MYSM1: variants seen among roughly 807,000 people sequenced by gnomAD.
MYSM1 encodes the protein Myb like, SWIRM and MPN domains 1.
MYSM1 carries 51 observed loss-of-function variants against 116.0 expected under a neutral mutation model. The ratio of observed to expected loss-of-function variants is 0.44; its 90% CI spans 0.35 to 0.56. The LOEUF (loss-of-function observed/expected upper bound fraction) is 0.56. MYSM1 is among the 20% of genes least tolerant of loss of function. MYSM1 has a pLI of 0.00. For missense variants in MYSM1, 900 were observed against 974.9 expected (o/e 0.92, Z 1.02); for synonymous variants, 313 against 315.2 (o/e 0.99, Z 0.07).
At chr1:58,697,736 G>T (rs6656370) in intron 1 of MYSM1, among the ~76,000 whole-genome samples, 3 of 151,096 alleles carry the variant, frequency 2.0e-5, no homozygotes, top group East Asian at 2.0e-4. Context: ...ATTACAGGCA[G>T]GTGCCACCAT....
At chr1:58,692,102 T>G (rs931442082) in intron 3 of MYSM1, among the ~76,000 whole-genome samples, 1 of 152,170 alleles carries the variant, frequency 6.6e-6, no homozygotes. Context: ...AACTGCAATG[T>G]CTGGGGAGAA....
intron 6 of MYSM1, among the ~76,000 whole-genome samples, chr1:58,688,448 T>A (rs1432186673): frequency 6.6e-6 from 1 of 151,800 alleles, no homozygotes; most frequent in Admixed American, 6.6e-5. Flanking sequence ...TATTTTTTTT[T>A]AAAGTTTCTT....
rs1429712113 is a variant in MYSM1, at chr1:58,684,331, C to T, written c.498+822G>A. 2.0e-5 allele frequency among the ~76,000 whole-genome samples: 3 copies of T among 152,042 alleles called. No homozygotes were observed. The East Asian group carries it at 5.8e-4, about 29-fold the overall frequency. Reference sequence around the variant, plus strand: ...CTGTAATCCCAGCACTTTGGGAGGCCGAGGCGGGTGGATCACGAGGTCAGG... The same window carrying T: ...CTGTAATCCCAGCACTTTGGGAGGCTGAGGCGGGTGGATCACGAGGTCAGG... On this transcript the variant is annotated intron_variant, in intron 7 of 19. Coordinates refer to ENST00000472487, the MANE Select transcript of MYSM1 (RefSeq NM_001085487.3).
At chr1:58,687,075 T>G (rs1246953243) in intron 6 of MYSM1, among the ~76,000 whole-genome samples, 2 of 152,106 alleles carry the variant, frequency 1.3e-5, no homozygotes, top group African/African-American at 4.8e-5. Context: ...AAAGCCTTTC[T>G]TCATCAATCA....
At chr1:58,661,116 G>GA in intron 19 of MYSM1, 54 bp downstream of exon 19, 1 of 1,320,442 alleles carries the variant, frequency 7.6e-7, no homozygotes, top group Non-Finnish European at 1.1e-6. Flanking sequence ...ACATTGAGAT[G>GA]AATAGCTTCA....
chr1:58,682,695 TTTTC>T (rs1644766548), intron 7 of MYSM1, 150 bp from the exon 8 acceptor site: 2 of 414,326 alleles, frequency 4.8e-6, no homozygotes, highest in African/African-American at 2.0e-5. Context: ...CTTTTTTTTC[TTTTC>T]TTTTTTTTTT....
At chr1:58,685,737 G>A (rs1366366323) in intron 6 of MYSM1, among the ~76,000 whole-genome samples, 4 of 152,120 alleles carry the variant, frequency 2.6e-5, no homozygotes, top group African/African-American at 9.7e-5. Context: ...AGATATCACA[G>A]TGAACTGACC....
chr1:58,686,843 G>A (rs745742517), intron 6 of MYSM1, among the ~76,000 whole-genome samples: 7 of 151,868 alleles, frequency 4.6e-5, no homozygotes, highest in Non-Finnish European at 1.0e-4. Flanking sequence ...CGAACAAGAG[G>A]AGCAAAGAAG....
In MYSM1 at chr1:58,674,819, C is replaced by T. The variant is rs548693243; in HGVS notation, c.1494+658G>A. Among the ~76,000 whole-genome samples the T allele has an allele frequency of 1.1e-4, 16 of 150,468 alleles. 1 individual carries two copies. The South Asian group carries it at 1.7e-3, about 16-fold the overall frequency. Reference sequence around the variant, plus strand: ...GCGGGCACCTGTAGTCCCAGCTACTCGGGAGGCTGAGGCATGAGAATGGTG... The same window carrying T: ...GCGGGCACCTGTAGTCCCAGCTACTTGGGAGGCTGAGGCATGAGAATGGTG... On this transcript the variant is annotated intron_variant, in intron 10 of 19. Coordinates refer to ENST00000472487, the MANE Select transcript of MYSM1 (RefSeq NM_001085487.3).
intron 3 of MYSM1, 104 bp from the exon 4 acceptor site, chr1:58,690,521 T>C (rs1644889887): frequency 1.1e-5 from 8 of 735,474 alleles, no homozygotes; most frequent in Non-Finnish European, 1.5e-5. Flanking sequence ...ATAGTTCCCT[T>C]GTCTTCCCAA....
At chr1:58,698,100 A>T (rs372277268) in intron 1 of MYSM1, among the ~76,000 whole-genome samples, 129 of 4,934 alleles carry the variant, frequency 0.026, 1 homozygote, top group Middle Eastern at 0.12. Context: ...ATATATATAT[A>T]TATTTTTTTT....
Position 58,690,102 on chromosome 1 carries a change from T to G in MYSM1, c.320+124A>C, listed in dbSNP as rs1026825374. The G allele has an allele frequency of 6.8e-6, 5 of 736,484 alleles. No homozygotes were observed. The African/African-American group carries it at 7.5e-5, about 11-fold the overall frequency. 45.6% of individuals were successfully genotyped at this position (736,484 alleles called of 1,614,324 possible). A position where few individuals can be genotyped will look rare whatever the true frequency, so the allele number is the denominator to read the frequency against. ...ACTCCAACATCTTTATTAAAAAAAC[T>G]GTTTTTATATCTACTTTAAGGTCAA... On this transcript the variant is annotated intron_variant, in intron 5 of 19. Transcript: ENST00000472487.
chr1:58,674,663 C>T lies in MYSM1; in HGVS notation c.1494+814G>A, dbSNP rs142567804. Among the ~76,000 whole-genome samples, 1,391 of 152,092 alleles carry T rather than the reference C, an allele frequency of 9.1e-3. 17 individuals are homozygous for T. The highest frequency in any genetic ancestry group is 0.032 in the African/African-American group (1,307 of 41,486). On this transcript the variant is annotated intron_variant, in intron 10 of 19. Coordinates refer to ENST00000472487, the MANE Select transcript of MYSM1 (RefSeq NM_001085487.3). ...TGGATCGGCTGCACACGGTGGCTCACGCCTGTAATCCCAGCACTTCGGGAG... is the reference window on the plus strand; with the variant it reads ...TGGATCGGCTGCACACGGTGGCTCATGCCTGTAATCCCAGCACTTCGGGAG...
At chr1:58,690,455 C>T (rs1180596747) in intron 3 of MYSM1, 38 bp from the exon 4 acceptor site, 2 of 1,380,804 alleles carry the variant, frequency 1.4e-6, no homozygotes, top group Non-Finnish European at 2.0e-6. Context: ...AACAATATTA[C>T]AGTCATGTAA....
Position 58,689,045 on chromosome 1 carries a change from T to G in MYSM1, c.392A>C (p.Gln131Pro). Residue 131 changes from glutamine to proline, a missense_variant, in exon 6 of 20, where the codon CAA becomes CCA. Around this residue, in one of 3 missense-constraint regions of MYSM1, gnomAD observed 622 missense variants for 623.7 expected, o/e 1.00. Coordinates refer to ENST00000472487, the MANE Select transcript of MYSM1 (RefSeq NM_001085487.3). ...TAAAATTGCTCTATTTACCAGCCCT[T>G]GTTCAAACAGCTCTTTTTCTTCTAT... ...WTIEEKELFE[Q>P]GLAKFGRRWT... The G allele has an allele frequency of 6.2e-7, 1 of 1,610,706 alleles. No individual in the cohort carries two copies.
At chr1:58,699,117 T>G (rs1645026047) in intron 1 of MYSM1, among the ~76,000 whole-genome samples, 1 of 152,206 alleles carries the variant, frequency 6.6e-6, no homozygotes, top group African/African-American at 2.4e-5. Context: ...CTGGCTAGTC[T>G]AGGACTCTTC....
rs770776065 is a variant in MYSM1, at chr1:58,689,122, G to A, written c.321-6C>T. ...GTTTTGTAGGAGAGTGTACCCTGAG[G>A]GGAAAAAAAGGAATTGCAAAAAAAA... On this transcript the variant is annotated splice_region_variant and splice_polypyrimidine_tract_variant and intron_variant, in intron 5 of 19. Coordinates refer to ENST00000472487, the MANE Select transcript of MYSM1 (RefSeq NM_001085487.3). 3 of 1,582,720 alleles carry A rather than the reference G, an allele frequency of 1.9e-6. No homozygotes were observed. The highest frequency in any genetic ancestry group is 2.6e-6 in the Non-Finnish European group (3 of 1,171,932).
chr1:58,691,847 A>C (rs898636585), intron 3 of MYSM1, among the ~76,000 whole-genome samples: 1 of 152,226 alleles, frequency 6.6e-6, no homozygotes, highest in Non-Finnish European at 1.5e-5. Context: ...AGCCTGGGTG[A>C]CAAGGCGAGA....
Position 58,682,678 on chromosome 1 carries a change from C to A in MYSM1, c.499-133G>T, listed in dbSNP as rs897809503. 5 of 763,688 alleles carry A rather than the reference C, an allele frequency of 6.5e-6. 1 individual carries two copies. In the East Asian group the frequency reaches 1.2e-4, roughly 19 times the overall value. 47.3% of individuals were successfully genotyped at this position (763,688 alleles called of 1,614,324 possible). ...TAAATGGTACATTATACCTCTAATG[C>A]GCTTTTCTTTTTTTTCTTTTCTTTT... On this transcript the variant is annotated intron_variant, in intron 7 of 19. Coordinates refer to ENST00000472487, the MANE Select transcript of MYSM1 (RefSeq NM_001085487.3).
Sources: gnomAD v4.1 joint callset for allele counts (sites outside exome capture counted in the v4.1 genomes callset) on GRCh38, gnomAD v4.1.1 for gene constraint, gnomAD v4.1.1 regional missense constraint, MANE v1.5 for transcripts, NCBI Gene and HGNC (gene_info 2026-07-23, HGNC 2026-07-21) for gene names.